Variants in GPX6 observed in about 807,000 individuals in gnomAD.
GPX6 encodes glutathione peroxidase 6, also known as glutathione peroxidase 6 (olfactory).
In GPX6, 21 loss-of-function variants were observed where a neutral mutation model predicts 20.0. The ratio of observed to expected loss-of-function variants is 1.05; its 90% CI spans 0.74 to 1.51. The LOEUF (loss-of-function observed/expected upper bound fraction) is 1.51, where lower values mean the gene tolerates loss of function less well. Ranked by LOEUF, GPX6 falls within the 40% of genes most tolerant of loss-of-function variation. The pLI, the probability that GPX6 is intolerant of heterozygous loss-of-function variation, is 0.00. For synonymous variants in GPX6, 75 were observed against 98.0 expected, an observed-to-expected ratio of 0.77 and a Z score of 1.38; for missense variants, 233 against 254.7, an observed-to-expected ratio of 0.91 and a Z score of 0.58.
rs150999986 is a variant in GPX6, at chr6:28,510,924, AC to A, written c.88-21del. On this transcript the variant is annotated intron_variant, in intron 1 of 4. Coordinates refer to ENST00000361902, the MANE Select transcript of GPX6 (RefSeq NM_182701.1). Reference sequence around the variant, plus strand: ...ATCCACCTGGAATTTTACAAAAATAACCATAACGATATAAGATAAAAAATAA... The same window carrying A: ...ATCCACCTGGAATTTTACAAAAATAACATAACGATATAAGATAAAAAATAA... 6,863 of 1,586,526 alleles carry A rather than the reference AC, an allele frequency of 4.3e-3. 147 individuals carry two copies. In the African/African-American group the frequency reaches 0.054, roughly 13 times the overall value.
chr6:28,511,416 G>A (rs937310592), intron 1 of GPX6, among the ~76,000 whole-genome samples: 1 of 152,246 alleles, frequency 6.6e-6, no homozygotes, highest in African/African-American at 2.4e-5. Flanking sequence ...TGATGGGGGA[G>A]GGGCGGCCGG....
In GPX6 at chr6:28,504,422, A is replaced by G. The variant is rs778149276; in HGVS notation, c.536T>C (p.Ile179Thr). The G allele has an allele frequency of 1.2e-6, 2 of 1,614,076 alleles. No homozygotes were observed. The highest frequency in any genetic ancestry group is 1.7e-6 in the Non-Finnish European group (2 of 1,180,044). The part of the protein sequence containing the change: ...LFWEPMKVHD[I>T]RWNFEKFLVG... ...CAGAAATTTCTCAAAGTTCCAGCGG[A>G]TATCATGGACCTTCATGGGCTCCCA... is the stretch of plus-strand genomic sequence containing the variant. Residue 179 changes from isoleucine (I) to threonine (T), a missense_variant, in exon 5 of 5, where the codon ATC becomes ACC. Ile to Thr is a moderately conservative substitution (Grantham distance 89). Coordinates refer to ENST00000361902, the MANE Select transcript of GPX6 (RefSeq NM_182701.1).
At chr6:28,504,603 A>C in intron 4 of GPX6, 105 bp from the exon 5 acceptor site, 1 of 963,138 alleles carries the variant, frequency 1.0e-6, no homozygotes, top group Middle Eastern at 3.4e-4. Flanking sequence ...ACTCACCATT[A>C]TGTATTTTAA....
At chr6:28,512,676 G>T (rs750947584) in intron 1 of GPX6, among the ~76,000 whole-genome samples, 3 of 152,108 alleles carry the variant, frequency 2.0e-5, no homozygotes, top group African/African-American at 4.8e-5. Flanking sequence ...TTGTTCTTTC[G>T]CTCTTTGCAA....
At chr6:28,508,100 C>G (rs577452117) in intron 2 of GPX6, among the ~76,000 whole-genome samples, 4 of 152,152 alleles carry the variant, frequency 2.6e-5, no homozygotes, top group Non-Finnish European at 5.9e-5. Flanking sequence ...ACTGTTAAAC[C>G]TTTTTATATC....
rs1255742642 is a variant in GPX6, at chr6:28,504,049, A to C, written c.*243T>G. On this transcript the variant is annotated 3_prime_UTR_variant, in exon 5 of 5. Coordinates refer to ENST00000361902, the MANE Select transcript of GPX6 (RefSeq NM_182701.1). ...CACACACACACACACACACACACAC[A>C]CCATACATACACCTATGCATATACC... is the stretch of plus-strand genomic sequence containing the variant. 1.2e-5 allele frequency: 6 copies of C among 509,200 alleles called. No individual in the cohort carries two copies. The highest frequency in any genetic ancestry group is 1.0e-4 in the African/African-American group (5 of 49,098). 31.5% of individuals were successfully genotyped at this position (509,200 alleles called of 1,614,324 possible). A position where few individuals can be genotyped will look rare whatever the true frequency, so the allele number is the denominator to read the frequency against.
chr6:28,506,576 G>GAA, intron 2 of GPX6, 147 bp from the exon 3 acceptor site: 4 of 473,002 alleles, frequency 8.5e-6, no homozygotes. Flanking sequence ...CAAAGGAGTA[G>GAA]AGAAAAAAAA....
intron 1 of GPX6, 142 bp from the exon 2 acceptor site, chr6:28,511,046 TTTAG>T: frequency 1.5e-6 from 1 of 687,190 alleles, no homozygotes; most frequent in Non-Finnish European, 2.2e-6. Flanking sequence ...AAGTAAAATT[TTTAG>T]TTAGAGCTGA....
rs778915000 is a variant in GPX6, at chr6:28,504,302, T to C, written c.656A>G (p.Asn219Ser). Residue 219 changes from asparagine to serine, a missense_variant, in exon 5 of 5, where the codon AAT (asparagine) becomes AGT (serine). Transcript: ENST00000361902. ...AGTCGCTAGCCCTTCCTAGTGGGTA[T>C]TGAACTGCTTTAGGTACTCCAGGAT... is the stretch of plus-strand genomic sequence containing the variant. ...SDILEYLKQFNTH is the reference protein window; with the variant it reads ...SDILEYLKQFSTH The C allele has an allele frequency of 3.1e-6, 5 of 1,614,152 alleles. No homozygotes were observed. In the South Asian group the frequency reaches 3.3e-5, roughly 11 times the overall value.
At chr6:28,508,384 T>C (rs894770142) in intron 2 of GPX6, among the ~76,000 whole-genome samples, 6 of 152,258 alleles carry the variant, frequency 3.9e-5, no homozygotes, top group Admixed American at 2.6e-4. Context: ...AACTTGATTC[T>C]ATTCCTTTGG....
intron 4 of GPX6, among the ~76,000 whole-genome samples, chr6:28,505,467 T>C (rs952999940): frequency 2.3e-4 from 35 of 152,352 alleles, no homozygotes; most frequent in African/African-American, 6.5e-4. Flanking sequence ...TGATAAATGA[T>C]TGCTGAATGA....
chr6:28,509,159 G>C (rs1762836435), intron 2 of GPX6, among the ~76,000 whole-genome samples: 1 of 151,970 alleles, frequency 6.6e-6, no homozygotes, highest in South Asian at 2.1e-4. Context: ...AAATTGATAG[G>C]GTTTATATAT....
At chr6:28,510,717 C>T (rs766643364) in intron 2 of GPX6, 34 bp downstream of exon 2, 1 of 1,598,918 alleles carries the variant, frequency 6.3e-7, no homozygotes, top group East Asian at 2.2e-5. Flanking sequence ...TCTGGCAATG[C>T]TGCTTCCAAA....
chr6:28,506,484 CA>C, intron 2 of GPX6, 55 bp from the exon 3 acceptor site: 1 of 934,828 alleles, frequency 1.1e-6, no homozygotes, highest in South Asian at 1.3e-5. Flanking sequence ...CTACCTCAAG[CA>C]GTGAAAGATC....
At chr6:28,513,205 C>T (rs1018118025) in intron 1 of GPX6, among the ~76,000 whole-genome samples, 3 of 152,194 alleles carry the variant, frequency 2.0e-5, no homozygotes, top group Non-Finnish European at 2.9e-5. Context: ...TCCGATTCTT[C>T]TCGTAAACCA....
intron 1 of GPX6, among the ~76,000 whole-genome samples, chr6:28,512,634 C>T (rs1005509957): frequency 1.6e-4 from 25 of 152,172 alleles, no homozygotes; most frequent in Admixed American, 6.5e-4. Flanking sequence ...CAGTGGCAGC[C>T]CCCGTGGGTC....
chr6:28,510,214 C>T (rs1278150853), intron 2 of GPX6, among the ~76,000 whole-genome samples: 1 of 152,188 alleles, frequency 6.6e-6, no homozygotes, highest in African/African-American at 2.4e-5. Flanking sequence ...TGACCAGGTA[C>T]CACCCTATTC....
intron 1 of GPX6, among the ~76,000 whole-genome samples, 158 bp downstream of exon 1, chr6:28,515,499 G>C (rs557950356): frequency 1.3e-5 from 2 of 152,338 alleles, no homozygotes; most frequent in South Asian, 4.1e-4. Context: ...GATTTAGGGA[G>C]AGCCTGCTAA....
chr6:28,504,519 G>A, intron 4 of GPX6, 21 bp from the exon 5 acceptor site: 1 of 1,601,340 alleles, frequency 6.2e-7, no homozygotes, highest in Non-Finnish European at 8.5e-7. Flanking sequence ...GATATAGAAA[G>A]TAGAGATATA....
Sources: gnomAD v4.1 joint callset for allele counts (sites outside exome capture counted in the v4.1 genomes callset) on GRCh38, gnomAD v4.1.1 for gene constraint, MANE v1.5 for transcripts, NCBI Gene and HGNC (gene_info 2026-07-23, HGNC 2026-07-21) for gene names.